FAM120C: variants seen among roughly 807,000 people sequenced by gnomAD.
The protein encoded by FAM120C is constitutive coactivator of PPAR-gamma-like protein 2.
FAM120C carries 14 observed loss-of-function variants against 71.2 expected under a neutral mutation model. The ratio of observed to expected loss-of-function variants is 0.20; its 90% confidence interval spans 0.13 to 0.31. The LOEUF (loss-of-function observed/expected upper bound fraction) is 0.31, where lower values mean the gene tolerates loss of function less well. Among genes scored for constraint, FAM120C ranks in the 10% least tolerant of loss-of-function variants. FAM120C has a pLI of 1.00. For missense variants in FAM120C, 500 were observed against 879.0 expected (o/e 0.57, Z 5.45); for synonymous variants, 354 against 353.2 (o/e 1.00, Z -0.03).
intron 10 of FAM120C, among the ~76,000 whole-genome samples, chrX:54,100,286 C>T (rs189593624): frequency 8.1e-5 from 9 of 110,995 alleles, no homozygotes; most frequent in African/African-American, 2.3e-4. Flanking sequence ...GGTCAGGAGA[C>T]GGAGACCATC....
chrX:54,135,215 G>T, intron 6 of FAM120C, 104 bp from the exon 7 acceptor site: 1 of 796,831 alleles, frequency 1.3e-6, no homozygotes, highest in Non-Finnish European at 1.8e-6. Context: ...AGTGGAGATT[G>T]TTGAGATACA....
intron 10 of FAM120C, among the ~76,000 whole-genome samples, chrX:54,092,771 GA>G (rs1374897061): frequency 9.0e-6 from 1 of 111,421 alleles, no homozygotes; most frequent in Non-Finnish European, 1.9e-5. Context: ...ATAGTTCCTT[GA>G]TTTACCTTTG....
At chrX:54,127,281 T>A in intron 9 of FAM120C, among the ~76,000 whole-genome samples, 1 of 110,647 alleles carries the variant, frequency 9.0e-6, no homozygotes, top group Non-Finnish European at 1.9e-5. Flanking sequence ...TGTTTTTATG[T>A]AATCCCTTTT....
chrX:54,132,088 C>T (rs2067071008), intron 9 of FAM120C, among the ~76,000 whole-genome samples: 1 of 109,738 alleles, frequency 9.1e-6, no homozygotes, highest in Non-Finnish European at 1.9e-5. Flanking sequence ...CAGGGTCTCA[C>T]TCTGTCACCC....
At chrX:54,081,234 G>T in intron 14 of FAM120C, 88 bp downstream of exon 14, 2 of 927,528 alleles carry the variant, frequency 2.2e-6, no homozygotes, top group African/African-American at 2.0e-5. Context: ...TGCCTTAATA[G>T]AAGGATTTAA....
chrX:54,140,425 C>T (rs1442721441), intron 4 of FAM120C, among the ~76,000 whole-genome samples: 1 of 107,859 alleles, frequency 9.3e-6, no homozygotes, highest in Non-Finnish European at 1.9e-5. Context: ...TCGAGACCAG[C>T]CTGGCAAACA....
At chrX:54,090,913 T>C (rs1320135767) in intron 11 of FAM120C, among the ~76,000 whole-genome samples, 1 of 110,723 alleles carries the variant, frequency 9.0e-6, no homozygotes, top group Non-Finnish European at 1.9e-5. Flanking sequence ...AGTGGGTGGG[T>C]TTATTTTCTT....
At chrX:54,081,175 A>G (rs1275666412) in intron 14 of FAM120C, 147 bp downstream of exon 14, 4 of 564,941 alleles carry the variant, frequency 7.1e-6, no homozygotes, top group Non-Finnish European at 1.0e-5. Flanking sequence ...CCCCATCTCA[A>G]AAAGAGAAAG....
intron 10 of FAM120C, among the ~76,000 whole-genome samples, chrX:54,110,736 G>A (rs1339175521): frequency 9.1e-6 from 1 of 110,134 alleles, no homozygotes; most frequent in Non-Finnish European, 1.9e-5. Context: ...CATAGTGAGA[G>A]CCTGTCTCTA....
intron 10 of FAM120C, among the ~76,000 whole-genome samples, chrX:54,102,569 C>T (rs1372038899): frequency 5.5e-5 from 2 of 36,435 alleles, no homozygotes; most frequent in Non-Finnish European, 1.1e-4. Context: ...ACCCATTAAT[C>T]CATGAATGGA....
intron 4 of FAM120C, 136 bp downstream of exon 4, chrX:54,151,109 G>T: frequency 1.4e-6 from 1 of 702,812 alleles, no homozygotes; most frequent in Non-Finnish European, 2.1e-6. Flanking sequence ...GGAAATTTTG[G>T]AGCTCTCATT....
intron 9 of FAM120C, among the ~76,000 whole-genome samples, chrX:54,129,224 C>T (rs1254941969): frequency 9.3e-5 from 10 of 107,698 alleles, no homozygotes; most frequent in East Asian, 3.0e-4. Context: ...ACTTCCCAGA[C>T]GGGGTGGCTG....
chrX:54,144,056 C>T (rs997631584), intron 4 of FAM120C, among the ~76,000 whole-genome samples: 2 of 111,908 alleles, frequency 1.8e-5, no homozygotes, highest in African/African-American at 6.5e-5. Context: ...GAAGCAAAGA[C>T]AAAAACCACA....
chrX:54,154,606 CAAAAA>C (rs55838006), intron 3 of FAM120C, among the ~76,000 whole-genome samples: 10 of 40,935 alleles, frequency 2.4e-4, no homozygotes, highest in African/African-American at 6.5e-4. Context: ...GACTCCATCT[CAAAAA>C]AAAAAAAAAA....
At chrX:54,146,235 A>G (rs1264179408) in intron 4 of FAM120C, among the ~76,000 whole-genome samples, 2 of 111,596 alleles carry the variant, frequency 1.8e-5, no homozygotes, top group Non-Finnish European at 3.8e-5. Flanking sequence ...GCAGCACACC[A>G]ACATGGCACA....
chrX:54,131,413 C>T (rs2067065243), intron 9 of FAM120C, among the ~76,000 whole-genome samples: 1 of 110,251 alleles, frequency 9.1e-6, no homozygotes, highest in Admixed American at 9.6e-5. Flanking sequence ...GGACTAGAGG[C>T]ACATGCCACC....
chrX:54,160,159 G>A (rs1412071541), intron 1 of FAM120C, among the ~76,000 whole-genome samples: 2 of 111,483 alleles, frequency 1.8e-5, no homozygotes, highest in Non-Finnish European at 3.8e-5. Flanking sequence ...TCTATGTGCT[G>A]TACATATTTT....
intron 9 of FAM120C, among the ~76,000 whole-genome samples, chrX:54,131,516 G>A (rs1331720594): frequency 1.9e-5 from 2 of 106,728 alleles, no homozygotes; most frequent in African/African-American, 6.9e-5. Context: ...TCGGCTCACC[G>A]CAACCTCCGC....
chrX:54,136,389 T>A (rs2067094803), intron 5 of FAM120C, 102 bp downstream of exon 5: 1 of 555,169 alleles, frequency 1.8e-6, no homozygotes, highest in Non-Finnish European at 3.2e-6. Context: ...TGTAGGAGGA[T>A]ATAACACGAA....
Sources: gnomAD v4.1 joint callset for allele counts (sites outside exome capture counted in the v4.1 genomes callset) on GRCh38, gnomAD v4.1.1 for gene constraint, MANE v1.5 for transcripts, NCBI Gene and HGNC (gene_info 2026-07-23, HGNC 2026-07-21) for gene names.